SORCS2: variants seen among roughly 807,000 people sequenced by gnomAD.
SORCS2 encodes sortilin related VPS10 domain containing receptor 2.
Under a neutral mutation model 141.6 loss-of-function variants are expected in SORCS2, and 100 were observed. The ratio of observed to expected loss-of-function variants is 0.71; its 90% CI spans 0.60 to 0.83. SORCS2 has a LOEUF of 0.83. Ranked by LOEUF, SORCS2 falls within the 40% of genes least tolerant of loss-of-function variation. The pLI is 0.00. For missense variants in SORCS2, 1,646 were observed against 1,560.2 expected (o/e 1.05, Z -0.93); for synonymous variants, 789 against 676.9 (o/e 1.17, Z -2.57).
intron 2 of SORCS2, among the ~76,000 whole-genome samples, chr4:7,425,095 C>T (rs1404738329): frequency 1.1e-4 from 16 of 152,180 alleles, no homozygotes; most frequent in Admixed American, 1.0e-3. Flanking sequence ...AGGGGTGCCT[C>T]CCCTGTCCTG....
intron 3 of SORCS2, among the ~76,000 whole-genome samples, chr4:7,626,017 G>A (rs1486694338): frequency 2.0e-5 from 3 of 152,016 alleles, no homozygotes; most frequent in East Asian, 1.9e-4. Flanking sequence ...TGGTACACAC[G>A]CGCCTGTGGT....
chr4:7,632,505 C>T (rs984246395), intron 3 of SORCS2, among the ~76,000 whole-genome samples: 1 of 152,216 alleles, frequency 6.6e-6, no homozygotes, highest in African/African-American at 2.4e-5. Flanking sequence ...TTTCCTGGCT[C>T]ACTCTCCCAA....
intron 1 of SORCS2, among the ~76,000 whole-genome samples, chr4:7,322,543 G>A (rs954596469): frequency 2.0e-5 from 3 of 152,296 alleles, no homozygotes; most frequent in African/African-American, 4.8e-5. Context: ...TGCCCAGGGG[G>A]TTCACTGGGT....
chr4:7,714,293 G>C lies in SORCS2; in HGVS notation c.2043G>C (p.Thr681=). 1 of 1,607,212 alleles carries C rather than the reference G, an allele frequency of 6.2e-7. No individual in the cohort carries two copies. Among genetic ancestry groups the C allele is most frequent in the Non-Finnish European group, 8.5e-7 (1 of 1,176,994 alleles). The stretch of plus-strand genomic sequence containing the variant: ...GAAGTTTCCGGAAAAGAAAGTCCAC[G>C]TCCTGGTGCATCAAGGGGAGGAGCT... ...QQRSFRKRKS[T]SWCIKGRSFT... is the part of the protein sequence containing the mutation. Residue 681 remains threonine (T), a synonymous_variant, in exon 16 of 27, where the codon ACG becomes ACC. Transcript: ENST00000507866.
At chr4:7,719,046 C>A (rs539471900) in intron 18 of SORCS2, among the ~76,000 whole-genome samples, 2 of 152,374 alleles carry the variant, frequency 1.3e-5, no homozygotes, top group East Asian at 3.9e-4. Flanking sequence ...ATCCGTGTCG[C>A]ACCCGGAGGG....
At chr4:7,738,609 G>C (rs113560307) in intron 26 of SORCS2, among the ~76,000 whole-genome samples, 24 of 152,292 alleles carry the variant, frequency 1.6e-4, no homozygotes, top group African/African-American at 5.3e-4. Flanking sequence ...GGAAGCCACG[G>C]AGGTCTTGGC....
chr4:7,558,948 C>A (rs1364333717), intron 3 of SORCS2, among the ~76,000 whole-genome samples: 2 of 152,224 alleles, frequency 1.3e-5, no homozygotes, highest in Non-Finnish European at 2.9e-5. Context: ...CCTGCCCTGT[C>A]TGCCCTTGGT....
chr4:7,660,140 C>G (rs1478716828), intron 5 of SORCS2, among the ~76,000 whole-genome samples: 1 of 152,254 alleles, frequency 6.6e-6, no homozygotes, highest in African/African-American at 2.4e-5. Context: ...AAGTGACATG[C>G]TGTGTGCAGC....
rs139541666 is a variant in SORCS2, at chr4:7,385,333, T to C, written c.481-10955T>C. Reference sequence around the variant, plus strand: ...CTTTGAAATGGAATTGATTTCTTCATAGAGGATGAGGGTGCAATGGGGATG... The same window carrying C: ...CTTTGAAATGGAATTGATTTCTTCACAGAGGATGAGGGTGCAATGGGGATG... On this transcript the variant is annotated intron_variant, in intron 1 of 26. Coordinates refer to ENST00000507866, the MANE Select transcript of SORCS2 (RefSeq NM_020777.3). Among the ~76,000 whole-genome samples, 669 of 152,304 alleles carry C rather than the reference T, an allele frequency of 4.4e-3. 2 individuals are homozygous for C. The highest frequency in any genetic ancestry group is 7.8e-3 in the Non-Finnish European group (530 of 68,016).
chr4:7,720,570 G>A (rs2109054874), intron 18 of SORCS2, among the ~76,000 whole-genome samples: 1 of 152,298 alleles, frequency 6.6e-6, no homozygotes, highest in South Asian at 2.1e-4. Flanking sequence ...TGAAAGGCAA[G>A]CTACAGAGTG....
chr4:7,517,540 A>C (rs759245301), intron 2 of SORCS2, among the ~76,000 whole-genome samples: 4 of 152,168 alleles, frequency 2.6e-5, no homozygotes, highest in Non-Finnish European at 2.9e-5. Flanking sequence ...TGCCTCGAAA[A>C]ATCAGTTTAG....
At chr4:7,455,673 CGTGTTGGGGTCAGGTGCT>C (rs1728859847) in intron 2 of SORCS2, among the ~76,000 whole-genome samples, 2 of 110,096 alleles carry the variant, frequency 1.8e-5, no homozygotes, top group South Asian at 6.4e-4. Flanking sequence ...GGTCAGGCTC[CGTGTTGGGGTCAGGTGCT>C]GTGTTTGGGT....
At chr4:7,583,009 A>T (rs559334035) in intron 3 of SORCS2, among the ~76,000 whole-genome samples, 6 of 117,210 alleles carry the variant, frequency 5.1e-5, no homozygotes, top group Non-Finnish European at 1.3e-4. Flanking sequence ...TTCAATTCAC[A>T]TTTGTTGAAA....
intron 3 of SORCS2, among the ~76,000 whole-genome samples, chr4:7,598,702 T>C (rs187702247): frequency 1.2e-4 from 19 of 152,348 alleles, no homozygotes; most frequent in African/African-American, 4.3e-4. Context: ...GCTTTCCCCA[T>C]GAAAACCTCA....
intron 4 of SORCS2, among the ~76,000 whole-genome samples, chr4:7,640,247 TGTGA>T (rs1479560006): frequency 4.6e-4 from 67 of 145,694 alleles, no homozygotes; most frequent in African/African-American, 1.6e-3. Flanking sequence ...TGAGAACCTA[TGTGA>T]GTGTGTATGT....
intron 3 of SORCS2, among the ~76,000 whole-genome samples, chr4:7,594,581 C>T (rs1462025136): frequency 6.6e-6 from 1 of 152,192 alleles, no homozygotes; most frequent in Admixed American, 6.5e-5. Flanking sequence ...CATCCTGGCT[C>T]TAGGACTCTG....
chr4:7,612,305 A>G (rs548313155), intron 3 of SORCS2, among the ~76,000 whole-genome samples: 18 of 152,216 alleles, frequency 1.2e-4, no homozygotes, highest in African/African-American at 4.1e-4. Context: ...GGGAAGGAGA[A>G]GGGCATGGAG....
intron 2 of SORCS2, among the ~76,000 whole-genome samples, chr4:7,517,163 C>T (rs911014560): frequency 6.6e-6 from 1 of 152,194 alleles, no homozygotes; most frequent in East Asian, 1.9e-4. Flanking sequence ...TGAGGACACG[C>T]ATGGTGATTA....
At chr4:7,696,400 G>T (rs185730499) in intron 11 of SORCS2, among the ~76,000 whole-genome samples, 40 of 152,304 alleles carry the variant, frequency 2.6e-4, no homozygotes, top group African/African-American at 9.6e-4. Context: ...GGTGGGCCAG[G>T]TGCAGCACCA....
Sources: allele counts gnomAD v4.1 joint callset (sites outside exome capture counted in the v4.1 genomes callset), GRCh38; gene constraint gnomAD v4.1.1; transcripts MANE v1.5; gene names NCBI Gene and HGNC (gene_info 2026-07-23, HGNC 2026-07-21).